Variants in CENPF observed in about 807,000 individuals in gnomAD.
CENPF encodes centromere protein F, also known as AH antigen.
CENPF carries 214 observed loss-of-function variants against 307.3 expected under a neutral mutation model. The observed-to-expected ratio is 0.70, with a 90% confidence interval of 0.62 to 0.78. The LOEUF (loss-of-function observed/expected upper bound fraction) is 0.78. CENPF is among the 30% of genes least tolerant of loss of function. The pLI, the probability that CENPF is intolerant of heterozygous loss-of-function variation, is 0.00. For synonymous variants in CENPF, 1,259 were observed against 1,270.6 expected (o/e 0.99, Z 0.19); for missense variants, 3,401 against 3,483.9 (o/e 0.98, Z 0.60).
Position 214,655,483 on chromosome 1 carries a change from A to G in CENPF, c.8485+80A>G, listed in dbSNP as rs950690077. ...TAACATATGGTATGCGTGCATAGGA[A>G]CTATTTTTAGTGCTGTGTTCTATTA... is the stretch of plus-strand genomic sequence containing the variant. On this transcript the variant is annotated intron_variant, in intron 17 of 19. Transcript: ENST00000366955. 12 of 1,205,012 alleles carry G rather than the reference A, an allele frequency of 1.0e-5. No individual in the cohort carries two copies. In the African/African-American group the frequency reaches 1.9e-4, roughly 19 times the overall value. The allele number at this position is 1,205,012 out of a possible 1,614,324, so 74.6% of individuals were successfully genotyped here. A position where few individuals can be genotyped will look rare whatever the true frequency, so the allele number is the denominator to read the frequency against.
Position 214,652,865 on chromosome 1 carries a change from C to G in CENPF, c.8198C>G (p.Thr2733Ser). The G allele has an allele frequency of 6.2e-7, 1 of 1,601,410 alleles. No homozygotes were observed. The highest frequency in any genetic ancestry group is 1.4e-5 in the African/African-American group (1 of 73,926). The change falls in exon 16 of 20, where the codon ACT (threonine) becomes AGT (serine). Residue 2733 changes from threonine (T) to serine (S), a missense_variant. Physicochemically the swap from Thr to Ser is moderately conservative, Grantham distance 58 (BLOSUM62 1). Transcript: ENST00000366955. ...ATCCAGACATACCGAGAGAAATTGA[C>G]TTCTAAAGAAGAATGTCTCAGTTCA... is the stretch of plus-strand genomic sequence containing the variant. ...VEIQTYREKL[T>S]SKEECLSSQK...
intron 1 of CENPF, chr1:214,605,982 C>T: frequency 6.3e-7 from 1 of 1,597,226 alleles, no homozygotes; most frequent in South Asian, 1.1e-5. Context: ...GAATGCAGCA[C>T]CACCGCGGCA....
intron 19 of CENPF, among the ~76,000 whole-genome samples, 187 bp from the exon 20 acceptor site, chr1:214,663,404 G>A (rs1370977105): frequency 2.0e-5 from 3 of 152,164 alleles, no homozygotes; most frequent in Non-Finnish European, 2.9e-5. Flanking sequence ...GTTAGAGGTT[G>A]TACCTGGTAT....
Position 214,655,331 on chromosome 1 carries a change from C to A in CENPF, c.8413C>A (p.Leu2805Met). Reference sequence around the variant, plus strand: ...GTTGTTGATCAAATCCTGTAAACAGCTGGAAGAGGAAAAGGAGATACTGCA... The same window carrying A: ...GTTGTTGATCAAATCCTGTAAACAGATGGAAGAGGAAAAGGAGATACTGCA... ...MKLLIKSCKQ[L>M]EEEKEILQKE... is the part of the protein sequence containing the mutation. The change falls in exon 17 of 20, where the codon CTG (leucine) becomes ATG (methionine). Residue 2805 changes from leucine (L) to methionine (M), a missense_variant. Physicochemically the swap from Leu to Met is conservative, Grantham distance 15 (BLOSUM62 2). Coordinates refer to ENST00000366955, the MANE Select transcript of CENPF (RefSeq NM_016343.4). 1 of 1,610,436 alleles carries A rather than the reference C, an allele frequency of 6.2e-7. No homozygotes were observed. Among genetic ancestry groups the A allele is most frequent in the Non-Finnish European group, 8.5e-7 (1 of 1,178,154 alleles).
intron 7 of CENPF, among the ~76,000 whole-genome samples, chr1:214,622,697 T>C (rs1227940623): frequency 1.3e-5 from 2 of 151,004 alleles, no homozygotes; most frequent in Non-Finnish European, 1.5e-5. Flanking sequence ...GAGTTCTGCA[T>C]TCATGGATTC....
chr1:214,629,125 G>A lies in CENPF; in HGVS notation c.1148G>A (p.Cys383Tyr), dbSNP rs746485974. The A allele has an allele frequency of 2.2e-5, 36 of 1,610,414 alleles. No individual in the cohort carries two copies. In the East Asian group the frequency reaches 6.5e-4, roughly 29 times the overall value. ...CQRQNAESAR[C>Y]SLEQKIKEKE... is the part of the protein sequence containing the mutation. ...CGACAAAATGCAGAAAGTGCCAGAT[G>A]TTCTCTGGAACAGAAAATTAAGGAA... The change falls in exon 8 of 20, where the codon TGT (cysteine) becomes TAT (tyrosine). Residue 383 changes from cysteine (C) to tyrosine (Y), a missense_variant. Physicochemically the swap from Cys to Tyr is radical, Grantham distance 194 (BLOSUM62 -2). Coordinates refer to ENST00000366955, the MANE Select transcript of CENPF (RefSeq NM_016343.4).
chr1:214,615,102 A>G (rs1657299615), intron 3 of CENPF, 74 bp downstream of exon 3: 2 of 1,090,354 alleles, frequency 1.8e-6, no homozygotes, highest in Non-Finnish European at 2.6e-6. Context: ...TTTTCCTTTA[A>G]CAATATAATT....
intron 19 of CENPF, among the ~76,000 whole-genome samples, chr1:214,660,065 C>T (rs192981892): frequency 2.4e-4 from 37 of 152,264 alleles, no homozygotes; most frequent in Non-Finnish European, 5.0e-4. Flanking sequence ...CAAATATGAA[C>T]ACATTGGTGG....
chr1:214,643,729 G>T (rs1408649348), intron 12 of CENPF, among the ~76,000 whole-genome samples: 2 of 152,112 alleles, frequency 1.3e-5, no homozygotes, highest in African/African-American at 4.8e-5. Context: ...GACTATTTTT[G>T]ATGTTATGGC....
At chr1:214,605,745 C>G (rs1558165941) in intron 1 of CENPF, 1 of 1,594,198 alleles carries the variant, frequency 6.3e-7, no homozygotes, top group South Asian at 1.1e-5. Context: ...CTGTAGAGCT[C>G]GATGTCGTTG....
rs1000436057 is a variant in CENPF, at chr1:214,658,912, A to T, written c.9025A>T (p.Thr3009Ser). 8.1e-6 allele frequency: 13 copies of T among 1,614,034 alleles called. No homozygotes were observed. Among genetic ancestry groups the T allele is most frequent in the Non-Finnish European group, 1.0e-5 (12 of 1,179,990 alleles). The change falls in exon 19 of 20, where the codon ACT (threonine) becomes TCT (serine). Residue 3009 changes from threonine to serine, a missense_variant. Thr to Ser is a moderately conservative substitution (Grantham distance 58). Transcript: ENST00000366955. ...TATCCTGCGAAGAACAACCATGGCAACTCGGACCAGCCCCCGCCTGGCTGC... is the reference window on the plus strand; with the variant it reads ...TATCCTGCGAAGAACAACCATGGCATCTCGGACCAGCCCCCGCCTGGCTGC... ...PYILRRTTMATRTSPRLAAQK... is the reference protein window; with the variant it reads ...PYILRRTTMASRTSPRLAAQK...
chr1:214,653,873 G>A (rs1294782763), intron 16 of CENPF: 1 of 152,142 alleles, frequency 6.6e-6, no homozygotes, highest in Non-Finnish European at 1.5e-5. Context: ...GAAGGAAGTA[G>A]CACTGTTGAA....
In CENPF at chr1:214,620,882, TAGC is replaced by T. The variant is rs748320089; in HGVS notation, c.804_806del (p.Ser269del). 1.2e-6 allele frequency: 2 copies of T among 1,614,132 alleles called. No homozygotes were observed. Among genetic ancestry groups the T allele is most frequent in the Non-Finnish European group, 1.7e-6 (2 of 1,179,990 alleles). On this transcript the variant is annotated inframe_deletion, in exon 6 of 20. Coordinates refer to ENST00000366955, the MANE Select transcript of CENPF (RefSeq NM_016343.4). Reference sequence around the variant, plus strand: ...TGCAAATAGGGAAAAGAGATGCTAATAGCAGTTTCTTTGACAATTCTAGCAGTC... The same window carrying T: ...TGCAAATAGGGAAAAGAGATGCTAATAGTTTCTTTGACAATTCTAGCAGTC...
rs750966764 is a variant in CENPF at position 214,618,669 on chromosome 1, A to G, written c.456A>G (p.Pro152=). 2.5e-5 allele frequency: 40 copies of G among 1,613,892 alleles called. No homozygotes were observed. Among genetic ancestry groups the G allele is most frequent in the Non-Finnish European group, 3.1e-5 (37 of 1,179,922 alleles). Residue 152 remains proline, a synonymous_variant, in exon 4 of 20, where the codon CCA becomes CCG. Coordinates refer to ENST00000366955, the MANE Select transcript of CENPF (RefSeq NM_016343.4). ...CACCACAAAAAATTTTTACAACTCC[A>G]CTAACACCAAGTCAATATTATAGTG... ...CNTPQKIFTT[P]LTPSQYYSGS...
At chr1:214,647,851 G>A in intron 13 of CENPF, 1 of 354,088 alleles carries the variant, frequency 2.8e-6, no homozygotes, top group Non-Finnish European at 5.7e-6. Flanking sequence ...CACTTTTAAA[G>A]ATACTGATAG....
rs1222219876 is a variant in CENPF at position 214,652,922 on chromosome 1, G to A, written c.8255G>A (p.Ser2752Asn). ...QKLEIDLLKSSKEELNNSLKA... is the reference protein window; with the variant it reads ...QKLEIDLLKSNKEELNNSLKA... ...CTGGAGATAGACCTTTTAAAGTCTA[G>A]TAAAGAAGAGCTCAATAATTCATTG... Residue 2752 changes from serine to asparagine, a missense_variant, in exon 16 of 20, where the codon AGT becomes AAT. Physicochemically the swap from Ser to Asn is conservative, Grantham distance 46. Coordinates refer to ENST00000366955, the MANE Select transcript of CENPF (RefSeq NM_016343.4). The A allele has an allele frequency of 6.2e-7, 1 of 1,608,226 alleles. No homozygotes were observed. The highest frequency in any genetic ancestry group is 2.2e-5 in the East Asian group (1 of 44,822).
Position 214,645,741 on chromosome 1 carries a change from A to T in CENPF, c.6171A>T (p.Gln2057His). The T allele has an allele frequency of 5.0e-6, 8 of 1,614,204 alleles. No individual in the cohort carries two copies. Among genetic ancestry groups the T allele is most frequent in the Non-Finnish European group, 6.8e-6 (8 of 1,180,038 alleles). ...LSLTKCELENQIAQLNKEKEL... is the reference protein window; with the variant it reads ...LSLTKCELENHIAQLNKEKEL... ...TGACAAAATGTGAGCTGGAAAACCA[A>T]ATTGCACAACTGAATAAAGAGAAAG... The change falls in exon 13 of 20, where the codon CAA becomes CAT. Residue 2057 changes from glutamine to histidine, a missense_variant. Gln to His is a conservative substitution (Grantham distance 24, BLOSUM62 0). Transcript: ENST00000366955.
Position 214,632,560 on chromosome 1 carries a change from G to A in CENPF, c.1404G>A (p.Gln468=), listed in dbSNP as rs1657838198. ...QKLCRAEQAF[Q]ASQIKENELR... Reference sequence around the variant, plus strand: ...TGTGCAGAGCTGAACAGGCGTTCCAGGCGAGTCAGATCAAGGAGAATGAGC... The same window carrying A: ...TGTGCAGAGCTGAACAGGCGTTCCAAGCGAGTCAGATCAAGGAGAATGAGC... Residue 468 remains glutamine (Q), a synonymous_variant, in exon 10 of 20, where the codon CAG becomes CAA. Transcript: ENST00000366955. 6.2e-7 allele frequency: 1 copy of A among 1,613,984 alleles called. No individual in the cohort carries two copies. The highest frequency in any genetic ancestry group is 1.7e-5 in the Admixed American group (1 of 59,994).
intron 19 of CENPF, 40 bp from the exon 20 acceptor site, chr1:214,663,551 G>A: frequency 6.9e-6 from 11 of 1,587,072 alleles, no homozygotes; most frequent in Non-Finnish European, 9.5e-6. Context: ...GTGGAAATGT[G>A]AATGTGATTG....
Sources: gnomAD v4.1 joint callset for allele counts (sites outside exome capture counted in the v4.1 genomes callset) on GRCh38, gnomAD v4.1.1 for gene constraint, MANE v1.5 for transcripts, NCBI Gene and HGNC (gene_info 2026-07-23, HGNC 2026-07-21) for gene names.